The following DPP6 variants were observed in gnomAD, a reference collection of about 807,000 sequenced individuals.
DPP6 encodes dipeptidyl peptidase like 6.
A neutral mutation model predicts 122.6 loss-of-function variants in DPP6; 69 were observed. The ratio of observed to expected loss-of-function variants is 0.56; its 90% CI spans 0.46 to 0.69. The LOEUF is 0.69. Ranked by LOEUF, DPP6 falls within the 30% of genes least tolerant of loss-of-function variation. The pLI, the probability that DPP6 is intolerant of heterozygous loss-of-function variation, is 0.00. For missense variants in DPP6, 928 were observed against 1,116.9 expected (o/e 0.83, Z 2.41); for synonymous variants, 418 against 433.1 (o/e 0.97, Z 0.43).
intron 1 of DPP6, among the ~76,000 whole-genome samples, chr7:153,891,346 G>A (rs561488516): frequency 7.1e-6 from 1 of 141,352 alleles, no homozygotes; most frequent in East Asian, 1.9e-4. Context: ...TTTAATTCTT[G>A]AGAAGAGTCT....
intron 1 of DPP6, among the ~76,000 whole-genome samples, chr7:154,097,360 G>T (rs561713933): frequency 6.6e-6 from 1 of 152,244 alleles, no homozygotes; most frequent in Non-Finnish European, 1.5e-5. Flanking sequence ...AGGCCTCTAT[G>T]TGCAGGGCAC....
chr7:154,164,094 T>C (rs1797114094), intron 1 of DPP6, among the ~76,000 whole-genome samples: 1 of 152,108 alleles, frequency 6.6e-6, no homozygotes, highest in South Asian at 2.1e-4. Context: ...AGGTCTGGCC[T>C]CTGCTCAGGT....
intron 18 of DPP6, among the ~76,000 whole-genome samples, chr7:154,871,932 G>C (rs1804433658): frequency 6.6e-6 from 1 of 152,204 alleles, no homozygotes; most frequent in Non-Finnish European, 1.5e-5. Flanking sequence ...GGTTTTTGAG[G>C]TTTGGTTCCT....
intron 8 of DPP6, among the ~76,000 whole-genome samples, chr7:154,737,554 A>T (rs529738499): frequency 5.9e-5 from 9 of 152,266 alleles, no homozygotes; most frequent in African/African-American, 2.2e-4. Context: ...TGGAATTTTT[A>T]GACACAGAGG....
At chr7:153,943,319 G>A (rs1001816085) in intron 1 of DPP6, among the ~76,000 whole-genome samples, 4 of 152,120 alleles carry the variant, frequency 2.6e-5, no homozygotes, top group East Asian at 3.9e-4. Flanking sequence ...TGTTGATTTT[G>A]TAATCAACAA....
the DPP6 span, among the ~76,000 whole-genome samples, chr7:153,836,054 C>T: frequency 6.6e-6 from 1 of 152,224 alleles, no homozygotes; most frequent in Admixed American, 6.5e-5. Context: ...TCTGGCTAAA[C>T]ATCATTTAGT....
At chr7:153,757,023 C>A in the DPP6 span, among the ~76,000 whole-genome samples, 182 of 151,870 alleles carry the variant, frequency 1.2e-3, 1 homozygote, top group African/African-American at 4.1e-3. Context: ...AATTATCTTA[C>A]ACCTTGTACC....
intron 1 of DPP6, among the ~76,000 whole-genome samples, chr7:154,090,458 A>T (rs1804722477): frequency 1.3e-5 from 2 of 152,242 alleles, no homozygotes; most frequent in African/African-American, 4.8e-5. Context: ...ATTGAGAAGT[A>T]TGTTATGAAA....
the DPP6 span, among the ~76,000 whole-genome samples, chr7:153,782,438 A>G: frequency 2.0e-5 from 3 of 152,176 alleles, no homozygotes; most frequent in African/African-American, 7.2e-5. Flanking sequence ...GGCAGAACCA[A>G]GAGCATCACA....
intron 1 of DPP6, among the ~76,000 whole-genome samples, chr7:154,401,066 A>G (rs1020364536): frequency 2.0e-5 from 3 of 152,028 alleles, no homozygotes; most frequent in African/African-American, 7.2e-5. Flanking sequence ...GTGTGGTGGC[A>G]TGCACCTGTA....
intron 1 of DPP6, among the ~76,000 whole-genome samples, chr7:153,974,484 T>C (rs1019943281): frequency 4.6e-5 from 7 of 152,234 alleles, no homozygotes; most frequent in Middle Eastern, 3.4e-3. Context: ...GTCCCTTTCC[T>C]GATTCCGAAT....
intron 8 of DPP6, among the ~76,000 whole-genome samples, chr7:154,767,784 T>C (rs1282981323): frequency 6.6e-6 from 1 of 152,076 alleles, no homozygotes; most frequent in African/African-American, 2.4e-5. Flanking sequence ...TACTCCGGGA[T>C]GCACCAGAGT....
Position 154,868,110 on chromosome 7 carries a change from T to C in DPP6, c.1813+17T>C, listed in dbSNP as rs1368685980. The C allele has an allele frequency of 2.5e-6, 4 of 1,585,374 alleles. No homozygotes were observed. The highest frequency in any genetic ancestry group is 2.3e-5 in the East Asian group (1 of 43,946). The stretch of plus-strand genomic sequence containing the variant: ...ATGATTACAGTAAGTACTACGTTTT[T>C]CCCCTCTAAAAGAAAAAGAAAAAGA... On this transcript the variant is annotated intron_variant, in intron 18 of 25. Transcript: ENST00000377770.
At chr7:154,184,159 C>T (rs1197589575) in intron 1 of DPP6, among the ~76,000 whole-genome samples, 1 of 151,784 alleles carries the variant, frequency 6.6e-6, no homozygotes, top group Non-Finnish European at 1.5e-5. Flanking sequence ...TGAGGACCCT[C>T]AGCATCAGGC....
chr7:154,795,412 G>T (rs918020465), intron 11 of DPP6, among the ~76,000 whole-genome samples: 2 of 152,140 alleles, frequency 1.3e-5, no homozygotes, highest in Admixed American at 6.5e-5. Flanking sequence ...AGGGTTTCTG[G>T]TCCACCAGGA....
At chr7:154,321,230 T>C (rs1190029997) in intron 1 of DPP6, among the ~76,000 whole-genome samples, 1 of 151,726 alleles carries the variant, frequency 6.6e-6, no homozygotes, top group East Asian at 2.0e-4. Flanking sequence ...TGAGCTGTGA[T>C]TGTGCCACTG....
chr7:154,516,967 T>C (rs1175258216), intron 3 of DPP6, among the ~76,000 whole-genome samples: 1 of 152,206 alleles, frequency 6.6e-6, no homozygotes, highest in Non-Finnish European at 1.5e-5. Flanking sequence ...TTCCAGTCTT[T>C]TCTGTTATCT....
At chr7:154,514,246 A>T (rs374109705) in intron 3 of DPP6, among the ~76,000 whole-genome samples, 3 of 152,170 alleles carry the variant, frequency 2.0e-5, no homozygotes, top group African/African-American at 7.2e-5. Context: ...ACTGCACTCC[A>T]GTCTGGCCAA....
intron 2 of DPP6, among the ~76,000 whole-genome samples, chr7:154,467,767 T>C (rs537968540): frequency 4.0e-4 from 61 of 152,362 alleles, no homozygotes; most frequent in African/African-American, 1.4e-3. Flanking sequence ...ATGTATGTCA[T>C]GGGAATTCAT....
Sources: allele counts gnomAD v4.1 joint callset (sites outside exome capture counted in the v4.1 genomes callset), GRCh38; gene constraint gnomAD v4.1.1; transcripts MANE v1.5; gene names NCBI Gene and HGNC (gene_info 2026-07-23, HGNC 2026-07-21).